Variants in PLEKHG4 observed in about 807,000 individuals in gnomAD.
PLEKHG4 encodes pleckstrin homology and RhoGEF domain containing G4.
A neutral mutation model predicts 136.9 loss-of-function variants in PLEKHG4; 85 were observed. The observed-to-expected ratio is 0.62, with a 90% CI of 0.52 to 0.74. The LOEUF (loss-of-function observed/expected upper bound fraction) is 0.74. Among genes scored for constraint, PLEKHG4 ranks in the 30% least tolerant of loss-of-function variants. The pLI, the probability that PLEKHG4 is intolerant of heterozygous loss-of-function variation, is 0.00. For missense variants in PLEKHG4, 1,317 were observed against 1,527.8 expected (o/e 0.86, Z 2.30); for synonymous variants, 577 against 646.9 (o/e 0.89, Z 1.64).
At chr16:67,283,684 G>A (rs1353125908) in intron 11 of PLEKHG4, among the ~76,000 whole-genome samples, 1 of 152,146 alleles carries the variant, frequency 6.6e-6, no homozygotes, top group Non-Finnish European at 1.5e-5. Flanking sequence ...TCAAGAGTCC[G>A]GTCTTGGGCA....
In PLEKHG4 at chr16:67,288,179, G is replaced by T. The variant is rs758973988; in HGVS notation, c.3233G>T (p.Arg1078Leu). The change falls in exon 20 of 22, where the codon CGG (arginine) becomes CTG (leucine). Residue 1078 changes from arginine (R) to leucine (L), a missense_variant. Physicochemically the swap from Arg to Leu is moderately radical, Grantham distance 102. Coordinates refer to ENST00000379344, the MANE Select transcript of PLEKHG4 (RefSeq NM_001129729.3). Reference sequence around the variant, plus strand: ...CTCTCTTATGCAGAAGTTCGCTCTCGGGCGTCCATTGCCGTAGCCCCGTTT... The same window carrying T: ...CTCTCTTATGCAGAAGTTCGCTCTCTGGCGTCCATTGCCGTAGCCCCGTTT... ...YVLKCREVRS[R>L]ASIAVAPFDH... The T allele has an allele frequency of 3.5e-5, 57 of 1,613,756 alleles. No homozygotes were observed. Among genetic ancestry groups the T allele is most frequent in the Non-Finnish European group, 1.0e-5 (12 of 1,179,884 alleles).
intron 20 of PLEKHG4, 34 bp downstream of exon 20, chr16:67,288,434 T>C: frequency 5.0e-6 from 8 of 1,613,468 alleles, no homozygotes; most frequent in Non-Finnish European, 6.8e-6. Context: ...CAGGAGGGCA[T>C]GGCTTGGGGT....
In PLEKHG4 at chr16:67,281,131, G is replaced by T. The variant is rs781004890; in HGVS notation, c.760G>T (p.Ala254Ser). 1.9e-6 allele frequency: 3 copies of T among 1,614,082 alleles called. No individual in the cohort carries two copies. The highest frequency in any genetic ancestry group is 1.7e-6 in the Non-Finnish European group (2 of 1,180,014). Reference sequence around the variant, plus strand: ...ACTGGGACTGACAGTGCTAGTTGATGCCCGAATTTGTGCTCCAAGTTCTTC... The same window carrying T: ...ACTGGGACTGACAGTGCTAGTTGATTCCCGAATTTGTGCTCCAAGTTCTTC... ...QALGLTVLVD[A>S]RICAPSSSLF... The change falls in exon 5 of 22, where the codon GCC (alanine) becomes TCC (serine). Residue 254 changes from alanine (A) to serine (S), a missense_variant. Ala to Ser is a moderately conservative substitution (Grantham distance 99). Transcript: ENST00000379344.
rs781678026 is a variant in PLEKHG4 at position 67,284,895 on chromosome 16, C to T, written c.1875C>T (p.Cys625=). ...GCTCAGAGGCCATCCGCCAGGAGTG[C>T]CGCTGGGCCTGGGCGCGGTGCCAGG... ...GLGSEAIRQE[C]RWAWARCQDT... is the part of the protein sequence containing the mutation. The change falls in exon 13 of 22, where the codon TGC becomes TGT. Residue 625 remains cysteine (C), a synonymous_variant. Coordinates refer to ENST00000379344, the MANE Select transcript of PLEKHG4 (RefSeq NM_001129729.3). The surrounding 1 kb of genome is among the most constrained non-coding windows in gnomAD (Gnocchi z 4.4). The T allele has an allele frequency of 1.9e-6, 3 of 1,612,578 alleles. No homozygotes were observed. Among genetic ancestry groups the T allele is most frequent in the Admixed American group, 3.3e-5 (2 of 59,964 alleles).
Position 67,282,260 on chromosome 16 carries a change from A to G in PLEKHG4, c.1164A>G (p.Pro388=), listed in dbSNP as rs371230572. Residue 388 remains proline (P), a synonymous_variant, in exon 9 of 22, where the codon CCA becomes CCG. Coordinates refer to ENST00000379344, the MANE Select transcript of PLEKHG4 (RefSeq NM_001129729.3). ...TGATGCAGCAGGTGCTAGACTCGCCATGGCTGGCATGGCTACAATGCCAGG... is the reference window on the plus strand; with the variant it reads ...TGATGCAGCAGGTGCTAGACTCGCCGTGGCTGGCATGGCTACAATGCCAGG... The part of the protein sequence containing the change: ...EVLMQQVLDS[P]WLAWLQCQGG... 5 of 1,613,280 alleles carry G rather than the reference A, an allele frequency of 3.1e-6. No individual in the cohort carries two copies. The African/African-American group carries it at 4.0e-5, about 13-fold the overall frequency.
At chr16:67,282,980 A>G (rs1195252389) in intron 11 of PLEKHG4, 122 bp downstream of exon 11, 1 of 763,214 alleles carries the variant, frequency 1.3e-6, no homozygotes, top group African/African-American at 1.7e-5. Flanking sequence ...CCCATAGAAG[A>G]TATCAGTTGT....
Position 67,288,571 on chromosome 16 carries a change from G to A in PLEKHG4, c.3537G>A (p.Gln1179=). ...CTGACAGCAGCTGTGTGTCAGGGCA[G>A]GCCCTGGGTAGGGGCCTGGAGGACT... ...SGSDSSCVSG[Q]ALGRGLEDLP... The change falls in exon 21 of 22, where the codon CAG becomes CAA. Residue 1179 remains glutamine, a synonymous_variant. Coordinates refer to ENST00000379344, the MANE Select transcript of PLEKHG4 (RefSeq NM_001129729.3). 1 of 1,614,114 alleles carries A rather than the reference G, an allele frequency of 6.2e-7. No individual in the cohort carries two copies. The highest frequency in any genetic ancestry group is 8.5e-7 in the Non-Finnish European group (1 of 1,179,912).
chr16:67,282,438 T>A, intron 9 of PLEKHG4, 65 bp from the exon 10 acceptor site: 1 of 1,613,200 alleles, frequency 6.2e-7, no homozygotes, highest in Non-Finnish European at 8.5e-7. Flanking sequence ...CTGGTAGGAC[T>A]GTGGTGCCAG....
In PLEKHG4 at chr16:67,286,333, G is replaced by A. The variant is rs531812164; in HGVS notation, c.2502G>A (p.Leu834=). 7.4e-6 allele frequency: 12 copies of A among 1,613,664 alleles called. No individual in the cohort carries two copies. In the East Asian group the frequency reaches 1.1e-4, roughly 15 times the overall value. ...AGAATAAGCCTCGCTCCGATGCCCTGATGTCAAGCTATGGGCACACCTTCT... is the reference window on the plus strand; with the variant it reads ...AGAATAAGCCTCGCTCCGATGCCCTAATGTCAAGCTATGGGCACACCTTCT... The part of the protein sequence containing the change: ...YSKNKPRSDA[L]MSSYGHTFFK... Residue 834 remains leucine, a synonymous_variant, in exon 15 of 22, where the codon CTG becomes CTA. Transcript: ENST00000379344.
At chr16:67,281,690 C>T (rs368862193) in intron 6 of PLEKHG4, 34 bp from the exon 7 acceptor site, 1 of 1,613,030 alleles carries the variant, frequency 6.2e-7, no homozygotes, top group Non-Finnish European at 8.5e-7. Flanking sequence ...TGCCTCCCCC[C>T]AGGCCTGGGT....
Position 67,287,005 on chromosome 16 carries a change from A to G in PLEKHG4, c.2931A>G (p.Ala977=), listed in dbSNP as rs778305805. The change falls in exon 18 of 22, where the codon GCA becomes GCG. Residue 977 remains alanine (A), a synonymous_variant. Transcript: ENST00000379344. ...CTCTCTCCCGCTGGCCACAGATGGCAGACCTTGGTCTCACTGAGTGCTGTG... is the reference window on the plus strand; with the variant it reads ...CTCTCTCCCGCTGGCCACAGATGGCGGACCTTGGTCTCACTGAGTGCTGTG... ...TFAYKRSFKM[A]DLGLTECCGN... The G allele has an allele frequency of 1.9e-6, 3 of 1,613,168 alleles. No individual in the cohort carries two copies. Among genetic ancestry groups the G allele is most frequent in the Non-Finnish European group, 1.7e-6 (2 of 1,179,956 alleles).
intron 21 of PLEKHG4, 27 bp from the exon 22 acceptor site, chr16:67,288,776 G>T (rs1567444031): frequency 6.2e-7 from 1 of 1,613,616 alleles, no homozygotes; most frequent in East Asian, 2.2e-5. Context: ...AGGGAAGCAG[G>T]CATTCATGCC....
intron 19 of PLEKHG4, 26 bp downstream of exon 19, chr16:67,288,040 G>A (rs992035136): frequency 2.6e-6 from 4 of 1,564,010 alleles, no homozygotes; most frequent in Non-Finnish European, 3.5e-6. Flanking sequence ...CAGGGTGTGG[G>A]GGTGGGAGTA....
Position 67,284,596 on chromosome 16 carries a change from C to A in PLEKHG4, c.1693-117C>A. On this transcript the variant is annotated intron_variant, in intron 12 of 21. Transcript: ENST00000379344. The surrounding 1 kb of genome is among the most constrained non-coding windows in gnomAD (Gnocchi z 4.4). Reference sequence around the variant, plus strand: ...CTTCAGTTTGACCCTAAAACCCAGTCACTGGGGCTGTGTCCTGGACAGCAT... The same window carrying A: ...CTTCAGTTTGACCCTAAAACCCAGTAACTGGGGCTGTGTCCTGGACAGCAT... The A allele has an allele frequency of 6.8e-7, 1 of 1,479,412 alleles. No homozygotes were observed. The highest frequency in any genetic ancestry group is 1.2e-5 in the South Asian group (1 of 84,956). The allele number at this position is 1,479,412 out of a possible 1,614,324, so 91.6% of individuals were successfully genotyped here.
In PLEKHG4 at chr16:67,289,246, C is replaced by T; in HGVS notation, c.*438C>T. The T allele has an allele frequency of 2.3e-6, 1 of 439,498 alleles. No homozygotes were observed. Among genetic ancestry groups the T allele is most frequent in the Admixed American group, 3.8e-5 (1 of 26,494 alleles). 27.2% of individuals were successfully genotyped at this position (439,498 alleles called of 1,614,324 possible). A position where few individuals can be genotyped will look rare whatever the true frequency, so the allele number is the denominator to read the frequency against. On this transcript the variant is annotated 3_prime_UTR_variant, in exon 22 of 22. Coordinates refer to ENST00000379344, the MANE Select transcript of PLEKHG4 (RefSeq NM_001129729.3). ...AAGCCGAGCTCAGTTACCATAGGGA[C>T]AGGTCCACCTCTACTGGGCCCTCAT...
Position 67,281,641 on chromosome 16 carries a change from G to T in PLEKHG4, c.888G>T (p.Leu296=). Residue 296 remains leucine, a synonymous_variant, in exon 6 of 22, where the codon CTG becomes CTT. Coordinates refer to ENST00000379344, the MANE Select transcript of PLEKHG4 (RefSeq NM_001129729.3). ...STLLKEVPSG[L]QLEQLPSQSL... ...TGCTGAAGGAAGTGCCTTCCGGGCT[G>T]CAGGTACTAAGCCCAGTTGGCTAGG... 1.2e-6 allele frequency: 2 copies of T among 1,613,878 alleles called. No homozygotes were observed. The highest frequency in any genetic ancestry group is 3.3e-5 in the Admixed American group (2 of 60,028).
rs2036384466 is a variant in PLEKHG4 at position 67,284,725 on chromosome 16, G to C, written c.1705G>C (p.Ala569Pro). Residue 569 changes from alanine (A) to proline (P), a missense_variant, in exon 13 of 22, where the codon GCT (alanine) becomes CCT (proline). Coordinates refer to ENST00000379344, the MANE Select transcript of PLEKHG4 (RefSeq NM_001129729.3). This position sits in a 1 kb window ranked among gnomAD's most constrained non-coding sequence, Gnocchi z 4.4. ...CCTGGTGTTGCAGGCCTTGACGTGG[G>C]CTGAGGAGGGGCAGCGAGTGTTGGC... is the stretch of plus-strand genomic sequence containing the variant. ...FQLFREALTWAEEGQRVLAEL... is the reference protein window; with the variant it reads ...FQLFREALTWPEEGQRVLAEL... 6.2e-7 allele frequency: 1 copy of C among 1,613,820 alleles called. No homozygotes were observed. Among genetic ancestry groups the C allele is most frequent in the Middle Eastern group, 1.7e-4 (1 of 6,058 alleles).
Position 67,282,010 on chromosome 16 carries a change from G to C in PLEKHG4, c.1007G>C (p.Arg336Pro). 3.7e-6 allele frequency: 6 copies of C among 1,612,602 alleles called. No homozygotes were observed. The highest frequency in any genetic ancestry group is 5.1e-6 in the Non-Finnish European group (6 of 1,179,310). ...GGTCATGCCTGCCCCTGCTTACAGCGGCTGGAAGCTCTACTACAGAACTGC... is the reference window on the plus strand; with the variant it reads ...GGTCATGCCTGCCCCTGCTTACAGCCGCTGGAAGCTCTACTACAGAACTGC... ...CHQAWLDFRR[R>P]LEALLQNCQA... The change falls in exon 8 of 22, where the codon CGG becomes CCG. Residue 336 changes from arginine (R) to proline (P), a missense_variant and splice_region_variant. Physicochemically the swap from Arg to Pro is moderately radical, Grantham distance 103. Coordinates refer to ENST00000379344, the MANE Select transcript of PLEKHG4 (RefSeq NM_001129729.3).
rs1359891603 is a variant in PLEKHG4, at chr16:67,284,345, CT to C, written c.1581del (p.Ala529HisfsTer10). 8 of 1,613,822 alleles carry C rather than the reference CT, an allele frequency of 5.0e-6. No homozygotes were observed. Among genetic ancestry groups the C allele is most frequent in the African/African-American group, 1.3e-5 (1 of 74,922 alleles). ...TGWEAAELDP[P>X]GARFLALRAQ... ...TGGGAGGCGGCTGAACTGGACCCCC[CT>C]GGGGCACGCTTTCTGGCCCTGCGAG... On this transcript the variant is annotated frameshift_variant, in exon 12 of 22. Coordinates refer to ENST00000379344, the MANE Select transcript of PLEKHG4 (RefSeq NM_001129729.3). LOFTEE classifies it high-confidence loss of function. The surrounding 1 kb of genome is among the most constrained non-coding windows in gnomAD (Gnocchi z 4.4).
Sources: gnomAD v4.1 joint callset for allele counts (sites outside exome capture counted in the v4.1 genomes callset) on GRCh38, gnomAD v4.1.1 for gene constraint, Gnocchi (gnomAD v3.1) non-coding constraint, MANE v1.5 for transcripts, NCBI Gene and HGNC (gene_info 2026-07-23, HGNC 2026-07-21) for gene names.